DLGAP1: variants seen among roughly 807,000 people sequenced by gnomAD.
DLGAP1 encodes the protein disks large-associated protein 1.
In DLGAP1, 11 loss-of-function variants were observed where a neutral mutation model predicts 90.8. That is an observed-to-expected ratio of 0.12 (90% CI 0.08 to 0.20). The LOEUF is 0.20. Among genes scored for constraint, DLGAP1 ranks in the 10% least tolerant of loss-of-function variants. DLGAP1 has a pLI of 1.00. For synonymous variants in DLGAP1, 558 were observed against 540.7 expected, an observed-to-expected ratio of 1.03 and a Z score of -0.44; for missense variants, 1,050 against 1,333.8, an observed-to-expected ratio of 0.79 and a Z score of 3.31.
At chr18:4,187,684 G>C (rs911509945) in intron 1 of DLGAP1, among the ~76,000 whole-genome samples, 1 of 152,050 alleles carries the variant, frequency 6.6e-6, no homozygotes, top group South Asian at 2.1e-4. Flanking sequence ...AAGTAATGTG[G>C]GTTGTTAAAT....
intron 1 of DLGAP1, among the ~76,000 whole-genome samples, chr18:4,262,466 A>C (rs2079022063): frequency 6.6e-6 from 1 of 152,222 alleles, no homozygotes; most frequent in Non-Finnish European, 1.5e-5. Flanking sequence ...CAGTGGCCAC[A>C]CTGCGGGACA....
At chr18:4,408,181 T>G (rs72866309) in intron 1 of DLGAP1, among the ~76,000 whole-genome samples, 1 of 152,032 alleles carries the variant, frequency 6.6e-6, no homozygotes, top group Non-Finnish European at 1.5e-5. Context: ...CAAAGAAAAG[T>G]TATTCTTGAT....
chr18:3,709,071 C>T (rs2061524523), intron 7 of DLGAP1, among the ~76,000 whole-genome samples: 1 of 152,106 alleles, frequency 6.6e-6, no homozygotes, highest in Non-Finnish European at 1.5e-5. Context: ...TATTATATGC[C>T]AGATACTGGT....
chr18:3,997,374 C>A (rs568026386), intron 3 of DLGAP1, among the ~76,000 whole-genome samples: 1 of 64,328 alleles, frequency 1.6e-5, no homozygotes. Flanking sequence ...AATCTGTCTC[C>A]GTAGAGAAAG....
intron 4 of DLGAP1, among the ~76,000 whole-genome samples, chr18:3,820,896 A>G (rs747621229): frequency 1.3e-5 from 2 of 152,234 alleles, no homozygotes; most frequent in African/African-American, 2.4e-5. Context: ...AATAATCTCA[A>G]TGAGCTAGGG....
chr18:4,337,635 C>T (rs756645760), intron 1 of DLGAP1, among the ~76,000 whole-genome samples: 63 of 152,032 alleles, frequency 4.1e-4, no homozygotes, highest in Non-Finnish European at 7.5e-4. Context: ...AGTTGTGTGT[C>T]GGGAGCCAAT....
intron 1 of DLGAP1, among the ~76,000 whole-genome samples, chr18:4,153,180 T>C (rs1173444706): frequency 6.6e-6 from 1 of 152,232 alleles, no homozygotes; most frequent in Non-Finnish European, 1.5e-5. Flanking sequence ...TCTAGTGTAA[T>C]GGTTGCCAAA....
At chr18:3,629,629 G>C (rs967363867) in intron 7 of DLGAP1, among the ~76,000 whole-genome samples, 1 of 151,998 alleles carries the variant, frequency 6.6e-6, no homozygotes, top group East Asian at 1.9e-4. Flanking sequence ...CCGAGATCGC[G>C]CCACCGCACT....
At chr18:4,020,675 A>G (rs1343404937) in intron 2 of DLGAP1, among the ~76,000 whole-genome samples, 1 of 152,198 alleles carries the variant, frequency 6.6e-6, no homozygotes, top group Non-Finnish European at 1.5e-5. Context: ...GGCCAAACTA[A>G]GCTTGGGAAG....
intron 9 of DLGAP1, among the ~76,000 whole-genome samples, chr18:3,535,666 C>T (rs897063342): frequency 6.6e-6 from 1 of 150,574 alleles, no homozygotes; most frequent in Non-Finnish European, 1.5e-5. Context: ...TGAGATCGCA[C>T]CACTGCACTC....
intron 1 of DLGAP1, among the ~76,000 whole-genome samples, chr18:4,199,631 C>T (rs1376158723): frequency 6.6e-6 from 1 of 152,172 alleles, no homozygotes. Context: ...GAGACTCTGA[C>T]TTCTGGATCC....
intron 1 of DLGAP1, among the ~76,000 whole-genome samples, chr18:4,300,187 T>C (rs1331567285): frequency 6.6e-6 from 1 of 152,164 alleles, no homozygotes; most frequent in Admixed American, 6.5e-5. Flanking sequence ...TCCATGACAA[T>C]AACAATATTT....
chr18:3,813,908 C>T (rs746476531), intron 5 of DLGAP1, 151 bp downstream of exon 5: 29 of 716,896 alleles, frequency 4.0e-5, no homozygotes, highest in Admixed American at 8.9e-5. Flanking sequence ...GACTGGGGTA[C>T]GGACGTCAGA....
Position 3,880,143 on chromosome 18 carries a change from G to A in DLGAP1, c.-72-3C>T. 5 of 1,409,068 alleles carry A rather than the reference G, an allele frequency of 3.5e-6. No homozygotes were observed. The highest frequency in any genetic ancestry group is 2.3e-5 in the South Asian group (2 of 85,330). The allele number at this position is 1,409,068 out of a possible 1,614,324, so 87.3% of individuals were successfully genotyped here. A position where few individuals can be genotyped will look rare whatever the true frequency, so the allele number is the denominator to read the frequency against. ...CCAGACCCGTCTTGGGCAGGGATCTGGGGGAATGAAGAAAAGGGCAAAGTC... is the reference window on the plus strand; with the variant it reads ...CCAGACCCGTCTTGGGCAGGGATCTAGGGGAATGAAGAAAAGGGCAAAGTC... On this transcript the variant is annotated splice_polypyrimidine_tract_variant and splice_region_variant and intron_variant, in intron 3 of 12. Transcript: ENST00000315677.
chr18:4,376,421 C>T (rs2082015517), intron 1 of DLGAP1, among the ~76,000 whole-genome samples: 1 of 152,104 alleles, frequency 6.6e-6, no homozygotes, highest in Non-Finnish European at 1.5e-5. Context: ...TGCTTTATCT[C>T]ACATACCCCA....
intron 1 of DLGAP1, among the ~76,000 whole-genome samples, chr18:4,189,034 A>C (rs1240341148): frequency 6.6e-6 from 1 of 152,142 alleles, no homozygotes; most frequent in Non-Finnish European, 1.5e-5. Flanking sequence ...CTTAAAAATG[A>C]TAATTACTTT....
At chr18:3,557,840 C>T (rs1207736539) in intron 9 of DLGAP1, among the ~76,000 whole-genome samples, 1 of 151,670 alleles carries the variant, frequency 6.6e-6, no homozygotes, top group African/African-American at 2.4e-5. Flanking sequence ...GGCAAAAGAG[C>T]TGCTTGAACC....
intron 1 of DLGAP1, among the ~76,000 whole-genome samples, chr18:4,373,581 T>C (rs1175882079): frequency 1.3e-5 from 2 of 152,182 alleles, no homozygotes; most frequent in African/African-American, 2.4e-5. Context: ...CAGGTGCACA[T>C]ACACGCATAT....
intron 1 of DLGAP1, among the ~76,000 whole-genome samples, chr18:4,170,428 T>C (rs140807048): frequency 2.2e-3 from 333 of 152,184 alleles, no homozygotes; most frequent in African/African-American, 7.5e-3. Flanking sequence ...ATTTATATTA[T>C]GGAAAAATCC....
Sources: gnomAD v4.1 joint callset for allele counts (sites outside exome capture counted in the v4.1 genomes callset) on GRCh38, gnomAD v4.1.1 for gene constraint, MANE v1.5 for transcripts, NCBI Gene and HGNC (gene_info 2026-07-23, HGNC 2026-07-21) for gene names.